Variants in L3MBTL4 observed in about 807,000 individuals in gnomAD.
L3MBTL4 encodes the protein L3MBTL histone methyl-lysine binding protein 4.
L3MBTL4 carries 70 observed loss-of-function variants against 84.5 expected under a neutral mutation model. The ratio of observed to expected loss-of-function variants is 0.83; its 90% CI spans 0.68 to 1.01. L3MBTL4 has a LOEUF of 1.01. Among genes scored for constraint, L3MBTL4 ranks in the 50% least tolerant of loss-of-function variants. The pLI, the probability that L3MBTL4 is intolerant of heterozygous loss-of-function variation, is 0.00. For missense variants in L3MBTL4, 715 were observed against 754.8 expected (o/e 0.95, Z 0.62); for synonymous variants, 274 against 259.8 (o/e 1.05, Z -0.52).
intron 1 of L3MBTL4, among the ~76,000 whole-genome samples, chr18:6,404,398 A>T (rs2055638223): frequency 6.6e-6 from 1 of 152,160 alleles, no homozygotes. Flanking sequence ...TCACTGACAC[A>T]TTTATTTGTA....
At chr18:6,101,477 C>G (rs974156420) in intron 14 of L3MBTL4, among the ~76,000 whole-genome samples, 1 of 152,082 alleles carries the variant, frequency 6.6e-6, no homozygotes, top group African/African-American at 2.4e-5. Context: ...AAACAAGCAC[C>G]CTCTCCCTAC....
intron 16 of L3MBTL4, among the ~76,000 whole-genome samples, chr18:6,079,022 G>A (rs1314048124): frequency 2.0e-5 from 3 of 152,106 alleles, no homozygotes; most frequent in East Asian, 1.9e-4. Context: ...ACAGGAGGCC[G>A]AGCTCAGGTG....
At chr18:6,135,583 T>C (rs1321787828) in intron 14 of L3MBTL4, among the ~76,000 whole-genome samples, 1 of 152,160 alleles carries the variant, frequency 6.6e-6, no homozygotes, top group Non-Finnish European at 1.5e-5. Flanking sequence ...CACAAATCTC[T>C]AGGGCAAGGG....
At chr18:6,213,695 A>T (rs2046209799) in intron 11 of L3MBTL4, among the ~76,000 whole-genome samples, 1 of 152,202 alleles carries the variant, frequency 6.6e-6, no homozygotes, top group African/African-American at 2.4e-5. Flanking sequence ...TACAGGCGTG[A>T]GCCATCATGC....
At chr18:6,272,397 AGG>A (rs1229810971) in intron 4 of L3MBTL4, among the ~76,000 whole-genome samples, 14 of 149,716 alleles carry the variant, frequency 9.4e-5, no homozygotes, top group Non-Finnish European at 1.6e-4. Context: ...GCACGGGGAA[AGG>A]GGGAGTTGTG....
rs554780221 is a variant in L3MBTL4, at chr18:6,228,808, T to C, written c.784+9156A>G. ...CCAGGAGCAGGGCACATGGGGGTCA[T>C]TGTCATGGACAAAGGATCAGAAGTG... On this transcript the variant is annotated intron_variant, in intron 10 of 18. Coordinates refer to ENST00000317931, the MANE Select transcript of L3MBTL4 (RefSeq NM_001330559.2). Among the ~76,000 whole-genome samples the C allele has an allele frequency of 3.9e-5, 6 of 152,240 alleles. No homozygotes were observed. The South Asian group carries it at 1.2e-3, about 32-fold the overall frequency.
chr18:5,969,693 A>G, intron 16 of L3MBTL4, 131 bp from the exon 17 acceptor site: 1 of 783,770 alleles, frequency 1.3e-6, no homozygotes, highest in Non-Finnish European at 2.0e-6. Flanking sequence ...GCGTCTTCTG[A>G]TCGTACAGCA....
chr18:5,992,974 G>A (rs1031596120), intron 16 of L3MBTL4, among the ~76,000 whole-genome samples: 6 of 152,188 alleles, frequency 3.9e-5, no homozygotes, highest in African/African-American at 7.2e-5. Flanking sequence ...TGGAGAAGTC[G>A]ATCTGATTTC....
intron 3 of L3MBTL4, among the ~76,000 whole-genome samples, chr18:6,310,655 A>G (rs2050785024): frequency 6.6e-6 from 1 of 152,212 alleles, no homozygotes; most frequent in Admixed American, 6.5e-5. Context: ...GAACCAATGA[A>G]GGGTCACAGA....
rs138113631 is a variant in L3MBTL4, at chr18:6,226,943, T to C, written c.784+11021A>G. 1.3e-4 allele frequency among the ~76,000 whole-genome samples: 20 copies of C among 152,104 alleles called. No homozygotes were observed. In the East Asian group the frequency reaches 3.1e-3, roughly 23 times the overall value. Reference sequence around the variant, plus strand: ...TGGAAACCCACTTTAAATATAAATATACAAATAGGTAAATTGTAGGTTAAA... The same window carrying C: ...TGGAAACCCACTTTAAATATAAATACACAAATAGGTAAATTGTAGGTTAAA... On this transcript the variant is annotated intron_variant, in intron 10 of 18. Coordinates refer to ENST00000317931, the MANE Select transcript of L3MBTL4 (RefSeq NM_001330559.2).
chr18:6,014,912 T>A (rs1187105293), intron 16 of L3MBTL4, among the ~76,000 whole-genome samples: 2 of 152,026 alleles, frequency 1.3e-5, no homozygotes, highest in Non-Finnish European at 2.9e-5. Context: ...CTGGCCCTTG[T>A]AGAAATCAAG....
intron 14 of L3MBTL4, among the ~76,000 whole-genome samples, chr18:6,120,479 T>G (rs1434552598): frequency 6.6e-6 from 1 of 152,248 alleles, no homozygotes; most frequent in East Asian, 1.9e-4. Context: ...GAGGTCATTT[T>G]TGTTTGAAAA....
chr18:5,958,256 G>A (rs1367488434), intron 18 of L3MBTL4, among the ~76,000 whole-genome samples: 1 of 152,164 alleles, frequency 6.6e-6, no homozygotes, highest in Non-Finnish European at 1.5e-5. Flanking sequence ...CAAGGGTAGC[G>A]TTTTGAAGTT....
chr18:6,388,133 G>C (rs341198), intron 1 of L3MBTL4, among the ~76,000 whole-genome samples: 78,484 of 151,882 alleles, frequency 0.52, 20,342 homozygotes, highest in East Asian at 0.59. Context: ...AGGGTACTTT[G>C]TTAGGTGTGA....
intron 1 of L3MBTL4, among the ~76,000 whole-genome samples, chr18:6,344,904 T>G (rs562737799): frequency 6.6e-6 from 1 of 151,892 alleles, no homozygotes; most frequent in South Asian, 2.1e-4. Flanking sequence ...AGCCCACAGG[T>G]AACATCATTT....
intron 3 of L3MBTL4, among the ~76,000 whole-genome samples, chr18:6,306,943 A>G (rs534297793): frequency 5.3e-5 from 8 of 152,084 alleles, no homozygotes; most frequent in Admixed American, 2.0e-4. Context: ...ATGCTCACCT[A>G]CTATACTGCT....
chr18:6,254,505 G>A (rs1194272011), intron 5 of L3MBTL4, among the ~76,000 whole-genome samples: 1 of 146,660 alleles, frequency 6.8e-6, no homozygotes, highest in East Asian at 2.0e-4. Flanking sequence ...CTACAAAGCT[G>A]CAGTTAAGAT....
chr18:6,186,055 C>G (rs1404306233), intron 12 of L3MBTL4, among the ~76,000 whole-genome samples: 1 of 147,620 alleles, frequency 6.8e-6, no homozygotes, highest in Non-Finnish European at 1.5e-5. Context: ...TCTTGTTAAC[C>G]AGGCTGGAGT....
chr18:6,369,036 G>A (rs1017136910), intron 1 of L3MBTL4, among the ~76,000 whole-genome samples: 3 of 142,156 alleles, frequency 2.1e-5, no homozygotes, highest in Non-Finnish European at 4.6e-5. Context: ...AGACAGACTC[G>A]GTCTCAAAAA....
Sources: gnomAD v4.1 joint callset for allele counts (sites outside exome capture counted in the v4.1 genomes callset) on GRCh38, gnomAD v4.1.1 for gene constraint, MANE v1.5 for transcripts, NCBI Gene and HGNC (gene_info 2026-07-23, HGNC 2026-07-21) for gene names.